SLC35F3: variants seen among roughly 807,000 people sequenced by gnomAD.
The protein encoded by SLC35F3 is putative thiamine transporter SLC35F3.
In SLC35F3, 25 loss-of-function variants were observed where a neutral mutation model predicts 49.9. The observed-to-expected ratio is 0.50, with a 90% confidence interval of 0.37 to 0.70. The LOEUF is 0.70. SLC35F3 is among the 30% of genes least tolerant of loss of function. SLC35F3 has a pLI of 0.00. For synonymous variants in SLC35F3, 275 were observed against 265.4 expected (o/e 1.04, Z -0.35); for missense variants, 525 against 639.8 (o/e 0.82, Z 1.94).
chr1:234,237,687 G>A (rs755454036), intron 3 of SLC35F3, among the ~76,000 whole-genome samples: 2 of 152,150 alleles, frequency 1.3e-5, no homozygotes, highest in Non-Finnish European at 2.9e-5. Flanking sequence ...CCTCATCCTA[G>A]GAGAGAGATA....
chr1:234,036,008 A>G (rs1391543067), intron 2 of SLC35F3, among the ~76,000 whole-genome samples: 1 of 152,158 alleles, frequency 6.6e-6, no homozygotes, highest in African/African-American at 2.4e-5. Context: ...GTTGATGGGA[A>G]GCTCTGAGCT....
chr1:233,938,582 C>T (rs1662369838), intron 2 of SLC35F3, among the ~76,000 whole-genome samples: 1 of 151,970 alleles, frequency 6.6e-6, no homozygotes, highest in African/African-American at 2.4e-5. Context: ...TACCTAAGGT[C>T]AGTGAGAAGA....
chr1:234,265,745 C>T (rs1019334943), intron 3 of SLC35F3, among the ~76,000 whole-genome samples: 1 of 152,170 alleles, frequency 6.6e-6, no homozygotes, highest in Admixed American at 6.5e-5. Flanking sequence ...CCTACTCAAA[C>T]CCCTGTAGTG....
intron 2 of SLC35F3, among the ~76,000 whole-genome samples, chr1:234,117,430 A>G (rs919385784): frequency 1.6e-4 from 24 of 152,048 alleles, no homozygotes; most frequent in African/African-American, 5.3e-4. Context: ...TGTCTCTACT[A>G]AAAATACAAA....
At chr1:234,301,082 G>T (rs1032070521) in intron 3 of SLC35F3, among the ~76,000 whole-genome samples, 3 of 152,196 alleles carry the variant, frequency 2.0e-5, no homozygotes, top group Non-Finnish European at 4.4e-5. Context: ...GTTTATTTGG[G>T]AAGGCTGAAT....
intron 3 of SLC35F3, among the ~76,000 whole-genome samples, chr1:234,300,691 A>G (rs988230123): frequency 1.3e-5 from 2 of 152,232 alleles, no homozygotes; most frequent in Non-Finnish European, 2.9e-5. Context: ...AAGGGGATAT[A>G]CGAGCTGATA....
intron 2 of SLC35F3, among the ~76,000 whole-genome samples, chr1:233,944,819 C>T (rs543883480): frequency 6.6e-6 from 1 of 151,830 alleles, no homozygotes; most frequent in South Asian, 2.1e-4. Context: ...GCTTGTAAAA[C>T]CAGCTGCAAA....
chr1:233,922,784 T>G (rs1353621050), intron 2 of SLC35F3, among the ~76,000 whole-genome samples: 1 of 152,250 alleles, frequency 6.6e-6, no homozygotes, highest in African/African-American at 2.4e-5. Flanking sequence ...GTTTTAGGTC[T>G]AACATTTATG....
chr1:233,997,852 A>T (rs1663485767), intron 2 of SLC35F3, among the ~76,000 whole-genome samples: 1 of 151,994 alleles, frequency 6.6e-6, no homozygotes, highest in Non-Finnish European at 1.5e-5. Context: ...CCCAGGTTCA[A>T]GTAATTCTCC....
At chr1:233,980,495 C>T (rs1427570139) in intron 2 of SLC35F3, among the ~76,000 whole-genome samples, 1 of 152,174 alleles carries the variant, frequency 6.6e-6, no homozygotes, top group Non-Finnish European at 1.5e-5. Context: ...TTCTGACTCC[C>T]CCGTGTTGAG....
chr1:234,217,062 A>G (rs521127), intron 2 of SLC35F3, among the ~76,000 whole-genome samples: 83,984 of 152,058 alleles, frequency 0.55, 26,299 homozygotes, highest in African/African-American at 0.84. Flanking sequence ...GAATCATTTC[A>G]TTTTAACTTG....
chr1:234,146,902 A>C (rs6674307), intron 2 of SLC35F3, among the ~76,000 whole-genome samples: 6 of 152,106 alleles, frequency 3.9e-5, no homozygotes, highest in Non-Finnish European at 8.8e-5. Flanking sequence ...TTGGTGTCTT[A>C]GTGTGAAAAA....
intron 2 of SLC35F3, among the ~76,000 whole-genome samples, chr1:233,956,080 G>A (rs895630439): frequency 6.6e-6 from 1 of 151,812 alleles, no homozygotes; most frequent in Admixed American, 6.6e-5. Flanking sequence ...TGAAGACAGG[G>A]TTTCACCATG....
intron 2 of SLC35F3, among the ~76,000 whole-genome samples, chr1:234,223,802 C>A (rs1667244282): frequency 6.6e-6 from 1 of 152,110 alleles, no homozygotes; most frequent in South Asian, 2.1e-4. Flanking sequence ...TAAAAAAGGA[C>A]ATTTTTTTAC....
intron 2 of SLC35F3, among the ~76,000 whole-genome samples, chr1:233,914,208 C>T (rs553500617): frequency 7.9e-5 from 12 of 152,224 alleles, no homozygotes; most frequent in Admixed American, 3.3e-4. Flanking sequence ...TCCTCCAATT[C>T]GAGATTAACA....
At chr1:233,968,036 G>C (rs564872010) in intron 2 of SLC35F3, among the ~76,000 whole-genome samples, 209 of 152,284 alleles carry the variant, frequency 1.4e-3, no homozygotes, top group African/African-American at 4.5e-3. Flanking sequence ...GTATTTGGAG[G>C]CTAGAAGTCC....
chr1:234,170,690 A>G (rs74339043), intron 2 of SLC35F3, among the ~76,000 whole-genome samples: 3,853 of 152,344 alleles, frequency 0.025, 165 homozygotes, highest in African/African-American at 0.086. Flanking sequence ...GCCTGAGGCC[A>G]GAGCTGAAAA....
intron 2 of SLC35F3, among the ~76,000 whole-genome samples, chr1:233,915,028 T>A (rs2102784382): frequency 6.6e-6 from 1 of 152,308 alleles, no homozygotes; most frequent in Non-Finnish European, 1.5e-5. Flanking sequence ...CCTCAGGTGA[T>A]TTGCAGTGTT....
intron 3 of SLC35F3, among the ~76,000 whole-genome samples, chr1:234,274,825 CT>C (rs1373234547): frequency 1.3e-5 from 2 of 152,180 alleles, no homozygotes; most frequent in Admixed American, 1.3e-4. Flanking sequence ...ATTTCAAGGA[CT>C]CTATTTCTGT....
Sources: gnomAD v4.1 joint callset for allele counts (sites outside exome capture counted in the v4.1 genomes callset) on GRCh38, gnomAD v4.1.1 for gene constraint, MANE v1.5 for transcripts, NCBI Gene and HGNC (gene_info 2026-07-23, HGNC 2026-07-21) for gene names.